Variants in SPOCK1 observed in about 807,000 individuals in gnomAD.
SPOCK1 encodes the protein testican-1.
SPOCK1 carries 23 observed loss-of-function variants against 55.3 expected under a neutral mutation model. The observed-to-expected ratio is 0.42, with a 90% CI of 0.30 to 0.59. The LOEUF (loss-of-function observed/expected upper bound fraction) is 0.59. Among genes scored for constraint, SPOCK1 ranks in the 20% least tolerant of loss-of-function variants. The probability of loss-of-function intolerance (pLI) is 0.22; values close to 1 mark genes in which losing one functional copy is unlikely to be tolerated. For synonymous variants in SPOCK1, 226 were observed against 221.0 expected, an observed-to-expected ratio of 1.02 and a Z score of -0.20; for missense variants, 499 against 552.5, an observed-to-expected ratio of 0.90 and a Z score of 0.97.
At chr5:137,406,067 A>G (rs1014075103) in intron 2 of SPOCK1, among the ~76,000 whole-genome samples, 1 of 152,206 alleles carries the variant, frequency 6.6e-6, no homozygotes, top group African/African-American at 2.4e-5. Flanking sequence ...AGCTGAGAGG[A>G]CATCCCAATT....
At chr5:137,405,517 C>G (rs887886708) in intron 2 of SPOCK1, among the ~76,000 whole-genome samples, 1 of 152,156 alleles carries the variant, frequency 6.6e-6, no homozygotes, top group African/African-American at 2.4e-5. Flanking sequence ...GCACCAACTT[C>G]ACCGTCCCAC....
intron 2 of SPOCK1, among the ~76,000 whole-genome samples, chr5:137,332,166 T>A (rs1758199443): frequency 6.6e-6 from 1 of 151,906 alleles, no homozygotes; most frequent in Admixed American, 6.6e-5. Context: ...ACCCAGCTTT[T>A]CATGCTCTTT....
At chr5:137,349,409 G>C (rs965794407) in intron 2 of SPOCK1, among the ~76,000 whole-genome samples, 1 of 152,198 alleles carries the variant, frequency 6.6e-6, no homozygotes, top group Non-Finnish European at 1.5e-5. Flanking sequence ...CAGGTTTCCA[G>C]CTTGATCAAG....
At position 137,005,779 on chromosome 5, in the gene SPOCK1, A is replaced by G. The variant is rs538131850; in HGVS notation, c.590-13179T>C. ...ATAGAGAAGAGACAAAGGAAACCCTATATATGGATAACTGAAGCCTCTGAA... is the reference window on the plus strand; with the variant it reads ...ATAGAGAAGAGACAAAGGAAACCCTGTATATGGATAACTGAAGCCTCTGAA... On this transcript the variant is annotated intron_variant, in intron 6 of 10. Coordinates refer to ENST00000394945, the MANE Select transcript of SPOCK1 (RefSeq NM_004598.4). Among the ~76,000 whole-genome samples the G allele has an allele frequency of 2.0e-5, 3 of 152,312 alleles. No homozygotes were observed. The South Asian group carries it at 6.2e-4, about 32-fold the overall frequency.
chr5:137,434,132 C>A (rs1332204906), intron 2 of SPOCK1, among the ~76,000 whole-genome samples: 4 of 152,220 alleles, frequency 2.6e-5, no homozygotes, highest in Non-Finnish European at 5.9e-5. Flanking sequence ...AACTGACCAT[C>A]TGAAGAAATG....
intron 2 of SPOCK1, among the ~76,000 whole-genome samples, chr5:137,290,046 T>C (rs919498923): frequency 2.0e-5 from 3 of 152,112 alleles, no homozygotes; most frequent in African/African-American, 4.8e-5. Flanking sequence ...TGTTTGGCAA[T>C]AGGAACTGAA....
At position 137,322,657 on chromosome 5, in the gene SPOCK1, C is replaced by A. The variant is rs1168708231; in HGVS notation, c.187-55602G>T. On this transcript the variant is annotated intron_variant, in intron 2 of 10. Coordinates refer to ENST00000394945, the MANE Select transcript of SPOCK1 (RefSeq NM_004598.4). ...ATAAGCCCCATGTAACCACAAAAAA[C>A]CTACATAAGATACATAAATGAAAAT... is the stretch of plus-strand genomic sequence containing the variant. 4.0e-5 allele frequency among the ~76,000 whole-genome samples: 6 copies of A among 151,430 alleles called. No individual in the cohort carries two copies. In the East Asian group the frequency reaches 1.2e-3, roughly 29 times the overall value.
At chr5:137,352,513 T>G (rs1750704922) in intron 2 of SPOCK1, among the ~76,000 whole-genome samples, 1 of 152,214 alleles carries the variant, frequency 6.6e-6, no homozygotes, top group African/African-American at 2.4e-5. Context: ...TTTTTGCATA[T>G]GACTGTCCTT....
Position 136,975,571 on chromosome 5 carries a change from A to G in SPOCK1, c.*3083T>C, listed in dbSNP as rs1427276409. ...TTTGAGAAAAAGTTATAAAAAGACC[A>G]AAACCACCCACTGTAGAATGGGCTC... On this transcript the variant is annotated 3_prime_UTR_variant, in exon 11 of 11. Coordinates refer to ENST00000394945, the MANE Select transcript of SPOCK1 (RefSeq NM_004598.4). 1 of 152,322 alleles carries G rather than the reference A, an allele frequency of 6.6e-6. No homozygotes were observed. The highest frequency in any genetic ancestry group is 1.5e-5 in the Non-Finnish European group (1 of 68,056). 9.4% of individuals were successfully genotyped at this position (152,322 alleles called of 1,614,324 possible).
At chr5:137,129,357 C>T (rs934574372) in intron 4 of SPOCK1, among the ~76,000 whole-genome samples, 3 of 152,132 alleles carry the variant, frequency 2.0e-5, no homozygotes, top group Admixed American at 6.5e-5. Flanking sequence ...TTCTTCTTGC[C>T]CGCTACACAG....
intron 2 of SPOCK1, among the ~76,000 whole-genome samples, chr5:137,361,400 A>G (rs1750940745): frequency 6.6e-6 from 1 of 152,218 alleles, no homozygotes; most frequent in Non-Finnish European, 1.5e-5. Context: ...GAGTCACCTA[A>G]CAGGGTCTGG....
chr5:137,151,536 C>A (rs1159627090), intron 3 of SPOCK1, among the ~76,000 whole-genome samples: 1 of 152,154 alleles, frequency 6.6e-6, no homozygotes, highest in East Asian at 1.9e-4. Flanking sequence ...CTCCAGGGTA[C>A]TGTTACATAA....
chr5:137,139,464 A>G (rs942737212), intron 4 of SPOCK1, among the ~76,000 whole-genome samples: 3 of 152,152 alleles, frequency 2.0e-5, no homozygotes, highest in Admixed American at 2.0e-4. Context: ...AGCCAAGGGG[A>G]CCAGCATTGC....
chr5:137,296,937 A>C (rs1348182773), intron 2 of SPOCK1, among the ~76,000 whole-genome samples: 1 of 152,204 alleles, frequency 6.6e-6, no homozygotes, highest in Non-Finnish European at 1.5e-5. Flanking sequence ...ACTGCAATGT[A>C]CTTTGCTTAA....
chr5:137,031,977 A>G (rs994495768), intron 6 of SPOCK1, among the ~76,000 whole-genome samples: 6 of 149,206 alleles, frequency 4.0e-5, no homozygotes, highest in Non-Finnish European at 8.9e-5. Flanking sequence ...GTGTGTATAT[A>G]TACACACACG....
chr5:137,146,998 G>A (rs1561626621), intron 3 of SPOCK1, among the ~76,000 whole-genome samples: 1 of 152,230 alleles, frequency 6.6e-6, no homozygotes, highest in Non-Finnish European at 1.5e-5. Flanking sequence ...CTCCTGGGAA[G>A]AGACCTTTTC....
intron 4 of SPOCK1, among the ~76,000 whole-genome samples, chr5:137,138,041 C>G (rs1754022497): frequency 2.0e-5 from 3 of 151,936 alleles, no homozygotes; most frequent in Admixed American, 1.3e-4. Flanking sequence ...GTAAGAATTA[C>G]TAGAGGATGT....
chr5:137,026,151 T>C (rs554234971), intron 6 of SPOCK1, among the ~76,000 whole-genome samples: 1 of 152,170 alleles, frequency 6.6e-6, no homozygotes, highest in South Asian at 2.1e-4. Context: ...ACCAGACAAA[T>C]AAAAACATTG....
intron 4 of SPOCK1, among the ~76,000 whole-genome samples, chr5:137,137,122 T>A (rs1402228475): frequency 6.6e-6 from 1 of 152,186 alleles, no homozygotes; most frequent in Non-Finnish European, 1.5e-5. Flanking sequence ...TCACTGTCCT[T>A]CTGTCTTGAT....
Sources: gnomAD v4.1 joint callset for allele counts (sites outside exome capture counted in the v4.1 genomes callset) on GRCh38, gnomAD v4.1.1 for gene constraint, MANE v1.5 for transcripts, NCBI Gene and HGNC (gene_info 2026-07-23, HGNC 2026-07-21) for gene names.